ZNF558: variants seen among roughly 807,000 people sequenced by gnomAD.
The protein encoded by ZNF558 is zinc finger protein 558.
In ZNF558, 23 loss-of-function variants were observed where a neutral mutation model predicts 37.6. That is an observed-to-expected ratio of 0.61 (90% CI 0.44 to 0.87). ZNF558 has a LOEUF of 0.87. Ranked by LOEUF, ZNF558 falls within the 40% of genes least tolerant of loss-of-function variation. The pLI, the probability that ZNF558 is intolerant of heterozygous loss-of-function variation, is 0.00. For missense variants in ZNF558, 429 were observed against 483.7 expected, an observed-to-expected ratio of 0.89 and a Z score of 1.06; for synonymous variants, 189 against 174.4, an observed-to-expected ratio of 1.08 and a Z score of -0.66.
In ZNF558 at chr19:8,812,081, AATG is replaced by A. The variant is rs782043323; in HGVS notation, c.427-21_427-19del. On this transcript the variant is annotated intron_variant, in intron 9 of 9. Transcript: ENST00000601372. ...CTTCTTTCCTGTGGATTAAGAGATG[AATG>A]ATAACTATAATTTATAATATTTGAA... 9 of 1,513,738 alleles carry A rather than the reference AATG, an allele frequency of 5.9e-6. No individual in the cohort carries two copies. Among genetic ancestry groups the A allele is most frequent in the African/African-American group, 5.6e-5 (4 of 71,484 alleles). 93.8% of individuals were successfully genotyped at this position (1,513,738 alleles called of 1,614,324 possible). A position where few individuals can be genotyped will look rare whatever the true frequency, so the allele number is the denominator to read the frequency against.
Position 8,810,340 on chromosome 19 carries a change from T to C in ZNF558, c.*941A>G, listed in dbSNP as rs781863358. ...TTCCGCATTTCTGAGTGTTGTTCCA[T>C]TGTGTGATTTCCAGTGCGTCTTAAG... On this transcript the variant is annotated 3_prime_UTR_variant, in exon 10 of 10. Transcript: ENST00000601372. The C allele has an allele frequency of 9.9e-5, 15 of 152,200 alleles. No homozygotes were observed. The highest frequency in any genetic ancestry group is 2.0e-4 in the Admixed American group (3 of 15,284). The allele number at this position is 152,200 out of a possible 1,614,324, so 9.4% of individuals were successfully genotyped here.
At chr19:8,834,617 C>A (rs112506764), upstream of ZNF558, among the ~76,000 whole-genome samples, 56,049 of 141,292 alleles carry the variant, frequency 0.4, 11,044 homozygotes, top group South Asian at 0.52. Flanking sequence ...AAAAAAAAAA[C>A]AAACCAAAAC....
In ZNF558 at chr19:8,807,370, ACT is replaced by A. The variant is rs1555766427; in HGVS notation, c.*3909_*3910del. On this transcript the variant is annotated 3_prime_UTR_variant, in exon 10 of 10. Coordinates refer to ENST00000601372, the MANE Select transcript of ZNF558 (RefSeq NM_144693.3). ...AGGACTGAGTAGACCCTTTATGAAAACTCTACTTGAATTGTCCTAGTCTGTGG... is the reference window on the plus strand; with the variant it reads ...AGGACTGAGTAGACCCTTTATGAAAACTACTTGAATTGTCCTAGTCTGTGG... The A allele has an allele frequency of 6.6e-6, 1 of 151,844 alleles. No individual in the cohort carries two copies. Among genetic ancestry groups the A allele is most frequent in the Non-Finnish European group, 1.5e-5 (1 of 68,012 alleles). The allele number at this position is 151,844 out of a possible 1,614,324, so 9.4% of individuals were successfully genotyped here. A position where few individuals can be genotyped will look rare whatever the true frequency, so the allele number is the denominator to read the frequency against.
At chr19:8,830,668 G>A (rs1191876909) in intron 2 of ZNF558, 1 of 152,128 alleles carries the variant, frequency 6.6e-6, no homozygotes, top group Non-Finnish European at 1.5e-5. Context: ...GAGGTGGGCG[G>A]ACCACTTGAG....
chr19:8,822,549 C>A lies in ZNF558; in HGVS notation c.31+80G>T. ...CCACTCCTGCCTCACCTGCTCTGCCCAACCCCGCTCGTGTCCCATGCTGTG... is the reference window on the plus strand; with the variant it reads ...CCACTCCTGCCTCACCTGCTCTGCCAAACCCCGCTCGTGTCCCATGCTGTG... On this transcript the variant is annotated intron_variant, in intron 5 of 9. Transcript: ENST00000601372. The surrounding 1 kb of genome is among the most constrained non-coding windows in gnomAD (Gnocchi z 4.4). The A allele has an allele frequency of 6.2e-7, 1 of 1,602,716 alleles. No individual in the cohort carries two copies. Among genetic ancestry groups the A allele is most frequent in the Non-Finnish European group, 8.5e-7 (1 of 1,170,798 alleles).
At chr19:8,821,481 C>G in intron 6 of ZNF558, 175 bp from the exon 7 acceptor site, 1 of 1,469,868 alleles carries the variant, frequency 6.8e-7, no homozygotes. Context: ...GTTCTGAGCT[C>G]CTCTCCTGGG....
Position 8,822,796 on chromosome 19 carries a change from C to A in ZNF558, c.-65-72G>T, listed in dbSNP as rs1285601658. 4 of 1,325,710 alleles carry A rather than the reference C, an allele frequency of 3.0e-6. No individual in the cohort carries two copies. The highest frequency in any genetic ancestry group is 4.3e-6 in the Non-Finnish European group (4 of 941,068). The allele number at this position is 1,325,710 out of a possible 1,614,324, so 82.1% of individuals were successfully genotyped here. On this transcript the variant is annotated intron_variant, in intron 4 of 9. Transcript: ENST00000601372. The surrounding 1 kb of genome is among the most constrained non-coding windows in gnomAD (Gnocchi z 4.4). Reference sequence around the variant, plus strand: ...CGGGCTGCTGGGGATGGGCCCTCCTCAACCCATCCTTCCCATCCTTCTTCA... The same window carrying A: ...CGGGCTGCTGGGGATGGGCCCTCCTAAACCCATCCTTCCCATCCTTCTTCA...
chr19:8,806,923 C>T lies in ZNF558; in HGVS notation c.*4358G>A, dbSNP rs1269572382. On this transcript the variant is annotated 3_prime_UTR_variant, in exon 10 of 10. Transcript: ENST00000601372. The stretch of plus-strand genomic sequence containing the variant: ...GCTGCTTTGAAAGCAATGTGTCCTT[C>T]TTCTTTGGTTGTTTGGTAGATTTGC... The T allele has an allele frequency of 6.6e-6, 1 of 152,094 alleles. No homozygotes were observed. The highest frequency in any genetic ancestry group is 2.4e-5 in the African/African-American group (1 of 41,422). The allele number at this position is 152,094 out of a possible 1,614,324, so 9.4% of individuals were successfully genotyped here.
In ZNF558 at chr19:8,808,505, C is replaced by G. The variant is rs879950558; in HGVS notation, c.*2776G>C. Reference sequence around the variant, plus strand: ...TACATAAACATAATGGAAGAGTTTACCACACCTCTATCACTAAATAAGGTT... The same window carrying G: ...TACATAAACATAATGGAAGAGTTTAGCACACCTCTATCACTAAATAAGGTT... On this transcript the variant is annotated 3_prime_UTR_variant, in exon 10 of 10. Coordinates refer to ENST00000601372, the MANE Select transcript of ZNF558 (RefSeq NM_144693.3). 2 of 152,008 alleles carry G rather than the reference C, an allele frequency of 1.3e-5. No homozygotes were observed. Among genetic ancestry groups the G allele is most frequent in the Admixed American group, 1.3e-4 (2 of 15,272 alleles). 9.4% of individuals were successfully genotyped at this position (152,008 alleles called of 1,614,324 possible). A position where few individuals can be genotyped will look rare whatever the true frequency, so the allele number is the denominator to read the frequency against.
At chr19:8,824,846 G>A (rs1357949544) in intron 3 of ZNF558, among the ~76,000 whole-genome samples, 156 bp downstream of exon 3, 1 of 152,176 alleles carries the variant, frequency 6.6e-6, no homozygotes, top group African/African-American at 2.4e-5. Context: ...TTGGGGTACA[G>A]CTTTCTTTCC....
upstream of ZNF558, among the ~76,000 whole-genome samples, chr19:8,834,648 A>T (rs573451234): frequency 2.0e-5 from 3 of 151,832 alleles, no homozygotes; most frequent in Middle Eastern, 3.4e-3. Flanking sequence ...CAAAAAAAAA[A>T]CCAACCAACC....
rs1361721597 is a variant in ZNF558, at chr19:8,808,642, C to T, written c.*2639G>A. The T allele has an allele frequency of 6.6e-6, 1 of 152,154 alleles. No individual in the cohort carries two copies. The highest frequency in any genetic ancestry group is 2.4e-5 in the African/African-American group (1 of 41,444). 9.4% of individuals were successfully genotyped at this position (152,154 alleles called of 1,614,324 possible). A position where few individuals can be genotyped will look rare whatever the true frequency, so the allele number is the denominator to read the frequency against. On this transcript the variant is annotated 3_prime_UTR_variant, in exon 10 of 10. Transcript: ENST00000601372. Reference sequence around the variant, plus strand: ...AGAATATACATTGTTTTCAAAGAAACAACATGGGTAAAACTTGACCAATTT... The same window carrying T: ...AGAATATACATTGTTTTCAAAGAAATAACATGGGTAAAACTTGACCAATTT...
At chr19:8,813,028 A>G (rs2043834380) in intron 8 of ZNF558, 99 bp downstream of exon 8, 5 of 928,820 alleles carry the variant, frequency 5.4e-6, no homozygotes, top group East Asian at 5.3e-5. Context: ...GGTATTTTAC[A>G]AAGTTCCCTG....
At chr19:8,821,055 T>A in intron 7 of ZNF558, 125 bp downstream of exon 7, 1 of 1,416,818 alleles carries the variant, frequency 7.1e-7, no homozygotes, top group South Asian at 1.4e-5. Context: ...ACTGGATATC[T>A]TAGAATGGTT....
chr19:8,823,148 C>T (rs923008107), intron 4 of ZNF558, among the ~76,000 whole-genome samples: 14 of 152,020 alleles, frequency 9.2e-5, no homozygotes, highest in East Asian at 1.9e-4. Context: ...GCCCTTTGTT[C>T]CTTCTCTCAT....
chr19:8,822,526 A>G lies in ZNF558; in HGVS notation c.31+103T>C, dbSNP rs1599279069. On this transcript the variant is annotated intron_variant, in intron 5 of 9. Coordinates refer to ENST00000601372, the MANE Select transcript of ZNF558 (RefSeq NM_144693.3). This position sits in a 1 kb window ranked among gnomAD's most constrained non-coding sequence, Gnocchi z 4.4. ...AGGACCTCTGGGCCCCTGGGGCTCC[A>G]CTCCTGCCTCACCTGCTCTGCCCAA... is the stretch of plus-strand genomic sequence containing the variant. 6.5e-7 allele frequency: 1 copy of G among 1,549,772 alleles called. No individual in the cohort carries two copies. Among genetic ancestry groups the G allele is most frequent in the Non-Finnish European group, 8.9e-7 (1 of 1,128,132 alleles).
Position 8,822,360 on chromosome 19 carries a change from G to A in ZNF558, c.31+269C>T, listed in dbSNP as rs984888900. 6.6e-6 allele frequency among the ~76,000 whole-genome samples: 1 copy of A among 152,210 alleles called. No homozygotes were observed. The highest frequency in any genetic ancestry group is 2.4e-5 in the African/African-American group (1 of 41,442). ...ACAGATGAGGAAACAAGTTCCAAGG[G>A]CGTCACTGTGTTTTTATCAGATTCA... is the stretch of plus-strand genomic sequence containing the variant. On this transcript the variant is annotated intron_variant, in intron 5 of 9. Coordinates refer to ENST00000601372, the MANE Select transcript of ZNF558 (RefSeq NM_144693.3). This position sits in a 1 kb window ranked among gnomAD's most constrained non-coding sequence, Gnocchi z 4.4.
Position 8,821,867 on chromosome 19 carries a change from C to A in ZNF558, c.120+136G>T, listed in dbSNP as rs907388300. Reference sequence around the variant, plus strand: ...CTGACATTTTCTGGGCAGCCCTCACCCTCCATCTGATGCCTGGAAATCCTG... The same window carrying A: ...CTGACATTTTCTGGGCAGCCCTCACACTCCATCTGATGCCTGGAAATCCTG... On this transcript the variant is annotated intron_variant, in intron 6 of 9. Coordinates refer to ENST00000601372, the MANE Select transcript of ZNF558 (RefSeq NM_144693.3). 6 of 1,521,322 alleles carry A rather than the reference C, an allele frequency of 3.9e-6. No individual in the cohort carries two copies. The African/African-American group carries it at 8.3e-5, about 21-fold the overall frequency. The allele number at this position is 1,521,322 out of a possible 1,614,324, so 94.2% of individuals were successfully genotyped here. A position where few individuals can be genotyped will look rare whatever the true frequency, so the allele number is the denominator to read the frequency against.
rs61746368 is a variant in ZNF558 at position 8,821,205 on chromosome 19, C to T, written c.222G>A (p.Glu74=). ...QRTLYRDVML[E]NCRNLASLGC... The stretch of plus-strand genomic sequence containing the variant: ...CTAGTGAGGCCAGGTTCCTGCAGTT[C>T]TCCAGCATCACATCCCTGTACAGTG... The change falls in exon 7 of 10, where the codon GAG becomes GAA. Residue 74 remains glutamate (E), a synonymous_variant. Coordinates refer to ENST00000601372, the MANE Select transcript of ZNF558 (RefSeq NM_144693.3). 5,073 of 1,614,066 alleles carry T rather than the reference C, an allele frequency of 3.1e-3. 11 individuals are homozygous for T. Among genetic ancestry groups the T allele is most frequent in the Non-Finnish European group, 3.7e-3 (4,379 of 1,179,960 alleles).
Sources: gnomAD v4.1 joint callset for allele counts (sites outside exome capture counted in the v4.1 genomes callset) on GRCh38, gnomAD v4.1.1 for gene constraint, Gnocchi (gnomAD v3.1) non-coding constraint, MANE v1.5 for transcripts, NCBI Gene and HGNC (gene_info 2026-07-23, HGNC 2026-07-21) for gene names.